OPHN1: variants seen among roughly 807,000 people sequenced by gnomAD.
OPHN1 encodes oligophrenin-1.
Under a neutral mutation model 60.7 loss-of-function variants are expected in OPHN1, and 11 were observed. The ratio of observed to expected loss-of-function variants is 0.18; its 90% CI spans 0.11 to 0.30. The LOEUF (loss-of-function observed/expected upper bound fraction) is 0.30, where lower values mean the gene tolerates loss of function less well. Ranked by LOEUF, OPHN1 falls within the 10% of genes least tolerant of loss-of-function variation. The pLI, the probability that OPHN1 is intolerant of heterozygous loss-of-function variation, is 1.00. For synonymous variants in OPHN1, 226 were observed against 222.6 expected (o/e 1.02, Z -0.14); for missense variants, 449 against 611.0 (o/e 0.73, Z 2.80).
intron 2 of OPHN1, among the ~76,000 whole-genome samples, chrX:68,399,829 C>CTT (rs201288901): frequency 8.8e-4 from 85 of 96,837 alleles, no homozygotes; most frequent in South Asian, 4.6e-3. Context: ...TTTTTTCTTT[C>CTT]TTTTTTTTTT....
intron 15 of OPHN1, among the ~76,000 whole-genome samples, chrX:68,143,027 G>A (rs1212872186): frequency 9.0e-6 from 1 of 111,073 alleles, no homozygotes; most frequent in Non-Finnish European, 1.9e-5. Flanking sequence ...TTGAGTTCCT[G>A]TATCCTGGAT....
In OPHN1 at chrX:68,081,509, C is replaced by A. The variant is rs751111428; in HGVS notation, c.1687-8210G>T. 3.6e-5 allele frequency among the ~76,000 whole-genome samples: 4 copies of A among 111,684 alleles called. No homozygotes were observed. In the Admixed American group the frequency reaches 3.8e-4, roughly 11 times the overall value. Reference sequence around the variant, plus strand: ...AGATAGTGTGGATTTGGTTCCAGACCACCAGAATAAAATATGTATCACAAT... The same window carrying A: ...AGATAGTGTGGATTTGGTTCCAGACAACCAGAATAAAATATGTATCACAAT... On this transcript the variant is annotated intron_variant, in intron 19 of 24. Transcript: ENST00000355520.
intron 2 of OPHN1, among the ~76,000 whole-genome samples, chrX:68,334,317 C>T (rs974666983): frequency 1.8e-5 from 2 of 112,119 alleles, no homozygotes. Flanking sequence ...AGTATGACTT[C>T]CCCTAAGTCA....
At chrX:68,388,468 A>AG (rs2078635995) in intron 2 of OPHN1, among the ~76,000 whole-genome samples, 1 of 109,060 alleles carries the variant, frequency 9.2e-6, no homozygotes, top group African/African-American at 3.3e-5. Flanking sequence ...TCAAAAAAAA[A>AG]AAAAAAGAAG....
intron 2 of OPHN1, among the ~76,000 whole-genome samples, chrX:68,407,223 A>AATAC (rs1388838194): frequency 2.7e-5 from 3 of 111,976 alleles, no homozygotes; most frequent in Non-Finnish European, 5.6e-5. Flanking sequence ...TAAATAAATA[A>AATAC]ATACATACAT....
At chrX:68,107,920 T>C (rs1252748950) in intron 18 of OPHN1, among the ~76,000 whole-genome samples, 24 of 112,055 alleles carry the variant, frequency 2.1e-4, no homozygotes, top group Non-Finnish European at 1.9e-5. Flanking sequence ...AACATCCTAT[T>C]CCTCAATACT....
chrX:68,193,555 C>T (rs1478729616), intron 14 of OPHN1, among the ~76,000 whole-genome samples: 1 of 111,968 alleles, frequency 8.9e-6, no homozygotes, highest in Admixed American at 9.5e-5. Flanking sequence ...CTGAGTTTGG[C>T]TCTGCCCCAT....
intron 5 of OPHN1, among the ~76,000 whole-genome samples, chrX:68,268,194 CTA>C (rs1176079109): frequency 3.6e-5 from 4 of 111,660 alleles, no homozygotes. Flanking sequence ...CCTTCTGAAA[CTA>C]TTCCAGTCAA....
intron 5 of OPHN1, among the ~76,000 whole-genome samples, chrX:68,250,228 T>C (rs1455950530): frequency 4.4e-5 from 5 of 112,372 alleles, no homozygotes; most frequent in African/African-American, 1.6e-4. Context: ...ATTATAAACC[T>C]TGTAAGAGTT....
intron 17 of OPHN1, chrX:68,112,332 C>T (rs1183711293): frequency 1.4e-5 from 2 of 144,309 alleles, no homozygotes; most frequent in Admixed American, 7.8e-5. Context: ...GAAGAGAAGA[C>T]TGTCTCAGAG....
chrX:68,281,711 T>C (rs1185533737), intron 4 of OPHN1, among the ~76,000 whole-genome samples: 5 of 112,236 alleles, frequency 4.5e-5, no homozygotes, highest in Non-Finnish European at 7.5e-5. Context: ...CAAAGAACTC[T>C]TAAAACTTAA....
intron 15 of OPHN1, among the ~76,000 whole-genome samples, chrX:68,178,211 A>T (rs898884956): frequency 1.3e-4 from 15 of 111,466 alleles, no homozygotes; most frequent in Non-Finnish European, 2.8e-4. Flanking sequence ...CAACCCTTTA[A>T]TTTATTTTTT....
intron 15 of OPHN1, among the ~76,000 whole-genome samples, chrX:68,163,556 G>A (rs1383617148): frequency 9.0e-6 from 1 of 110,512 alleles, no homozygotes; most frequent in Non-Finnish European, 1.9e-5. Flanking sequence ...ACGGAATGCA[G>A]ACATGATTAT....
At chrX:68,303,163 G>A (rs1160288847) in intron 2 of OPHN1, among the ~76,000 whole-genome samples, 4 of 111,706 alleles carry the variant, frequency 3.6e-5, no homozygotes, top group Non-Finnish European at 7.5e-5. Context: ...CTATACTTCA[G>A]TGCAATCCCT....
intron 18 of OPHN1, among the ~76,000 whole-genome samples, chrX:68,097,728 G>C (rs771318695): frequency 9.0e-6 from 1 of 110,748 alleles, no homozygotes; most frequent in South Asian, 3.9e-4. Flanking sequence ...CATAACTTGA[G>C]TAACTTGACC....
At chrX:68,055,360 C>A (rs1352613044) in intron 21 of OPHN1, among the ~76,000 whole-genome samples, 1 of 112,303 alleles carries the variant, frequency 8.9e-6, no homozygotes, top group Non-Finnish European at 1.9e-5. Context: ...AAATGTTCAT[C>A]ATCACTGGTC....
chrX:68,140,446 C>T lies in OPHN1; in HGVS notation c.1277-21114G>A, dbSNP rs747264070. Among the ~76,000 whole-genome samples, 96 of 111,731 alleles carry T rather than the reference C, an allele frequency of 8.6e-4. No homozygotes were observed. The South Asian group carries it at 9.1e-3, about 11-fold the overall frequency. ...CAATTCTTAGCACACAGTACATATCCAATAAAGATTTAACTGAAAGACTCA... is the reference window on the plus strand; with the variant it reads ...CAATTCTTAGCACACAGTACATATCTAATAAAGATTTAACTGAAAGACTCA... On this transcript the variant is annotated intron_variant, in intron 15 of 24. Transcript: ENST00000355520.
At chrX:68,221,628 A>G (rs1386593046) in intron 6 of OPHN1, among the ~76,000 whole-genome samples, 1 of 82,842 alleles carries the variant, frequency 1.2e-5, no homozygotes, top group African/African-American at 4.1e-5. Context: ...AATGCCGCAT[A>G]CCTACAACTA....
intron 16 of OPHN1, among the ~76,000 whole-genome samples, chrX:68,115,656 A>G (rs2077123871): frequency 8.9e-6 from 1 of 112,062 alleles, no homozygotes; most frequent in Non-Finnish European, 1.9e-5. Context: ...GCTTCATTGG[A>G]GCAGAGGGGG....
Sources: gnomAD v4.1 joint callset for allele counts (sites outside exome capture counted in the v4.1 genomes callset) on GRCh38, gnomAD v4.1.1 for gene constraint, MANE v1.5 for transcripts, NCBI Gene and HGNC (gene_info 2026-07-23, HGNC 2026-07-21) for gene names.